Variants in THADA observed in about 807,000 individuals in gnomAD.
THADA encodes THADA armadillo repeat containing.
In THADA, 213 loss-of-function variants were observed where a neutral mutation model predicts 219.8. The observed-to-expected ratio is 0.97, with a 90% CI of 0.87 to 1.09. The LOEUF is 1.09. THADA is among the 50% of genes least tolerant of loss of function. The pLI is 0.00. For synonymous variants in THADA, 1,018 were observed against 828.9 expected (o/e 1.23, Z -3.92); for missense variants, 2,956 against 2,311.3 (o/e 1.28, Z -5.72).
chr2:43,270,252 C>T (rs1002139975), intron 36 of THADA, among the ~76,000 whole-genome samples: 1 of 152,166 alleles, frequency 6.6e-6, no homozygotes, highest in African/African-American at 2.4e-5. Flanking sequence ...TCAGTTTCCA[C>T]ATCTGTAAGT....
At chr2:43,582,995 T>C (rs1700621184) in intron 7 of THADA, among the ~76,000 whole-genome samples, 1 of 152,212 alleles carries the variant, frequency 6.6e-6, no homozygotes, top group African/African-American at 2.4e-5. Context: ...TGTCCAGGAC[T>C]CAGTCTTTAT....
intron 2 of THADA, 37 bp downstream of exon 2, chr2:43,592,280 G>C (rs1701660020): frequency 6.7e-7 from 1 of 1,493,216 alleles, no homozygotes; most frequent in Non-Finnish European, 9.1e-7. Flanking sequence ...TTGCAAACTA[G>C]AAAAAAATAT....
chr2:43,439,289 A>G (rs1052658294), intron 26 of THADA, among the ~76,000 whole-genome samples: 3 of 152,158 alleles, frequency 2.0e-5, no homozygotes, highest in Admixed American at 6.5e-5. Context: ...GAGAGAGAGA[A>G]AGATCACACT....
At chr2:43,516,131 C>A (rs1358148713) in intron 22 of THADA, among the ~76,000 whole-genome samples, 1 of 152,176 alleles carries the variant, frequency 6.6e-6, no homozygotes, top group Non-Finnish European at 1.5e-5. Context: ...CCACCACTTT[C>A]CAAGTCATCA....
At chr2:43,581,495 C>G (rs1452150518) in intron 8 of THADA, among the ~76,000 whole-genome samples, 1 of 142,272 alleles carries the variant, frequency 7.0e-6, no homozygotes, top group South Asian at 2.3e-4. Flanking sequence ...AGTGAATAAA[C>G]ATCACGCCAC....
At chr2:43,324,125 T>A (rs921868989) in intron 30 of THADA, among the ~76,000 whole-genome samples, 2 of 152,214 alleles carry the variant, frequency 1.3e-5, no homozygotes, top group Non-Finnish European at 2.9e-5. Flanking sequence ...AAAGAGAAGT[T>A]GTTGAGAAAC....
intron 15 of THADA, chr2:43,562,606 G>A (rs904360192): frequency 6.6e-6 from 1 of 152,102 alleles, no homozygotes; most frequent in Non-Finnish European, 1.5e-5. Flanking sequence ...ATAAAATGAG[G>A]TAGGAGGTGT....
At chr2:43,445,645 T>G (rs1005588430) in intron 26 of THADA, among the ~76,000 whole-genome samples, 1 of 152,202 alleles carries the variant, frequency 6.6e-6, no homozygotes, top group Non-Finnish European at 1.5e-5. Context: ...CGATCCTCTG[T>G]AGGTAGCCAT....
chr2:43,514,877 A>ATAATATAATATATAATATTT (rs1558889237), intron 22 of THADA, among the ~76,000 whole-genome samples: 1,012 of 83,140 alleles, frequency 0.012, 184 homozygotes, highest in African/African-American at 0.05. Context: ...TTTATGTATA[A>ATAATATAATATATAATATTT]TATGTATAAT....
Position 43,417,037 on chromosome 2 carries a change from C to CTTTTTTTTT in THADA, c.4058+11054_4058+11062dup, listed in dbSNP as rs67993873. On this transcript the variant is annotated intron_variant, in intron 28 of 37. Transcript: ENST00000405975. ...GAATTGATATCCTCATGGCTGTTTTCTTTTTTTTTTTTTTTTTTTTTTGAG... is the reference window on the plus strand; with the variant it reads ...GAATTGATATCCTCATGGCTGTTTTCTTTTTTTTTTTTTTTTTTTTTTTTTTTTTTTGAG... Among the ~76,000 whole-genome samples, 95 of 93,668 alleles carry CTTTTTTTTT rather than the reference C, an allele frequency of 1.0e-3. 1 individual carries two copies. Among genetic ancestry groups the CTTTTTTTTT allele is most frequent in the Middle Eastern group, 8.8e-3 (1 of 114 alleles). The allele number at this position is 93,668 out of a possible 152,430, so 61.4% of individuals were successfully genotyped here. A position where few individuals can be genotyped will look rare whatever the true frequency, so the allele number is the denominator to read the frequency against.
chr2:43,578,626 GA>G lies in THADA; in HGVS notation c.722-20del. On this transcript the variant is annotated intron_variant, in intron 8 of 37. Coordinates refer to ENST00000405975, the MANE Select transcript of THADA (RefSeq NM_022065.5). The stretch of plus-strand genomic sequence containing the variant: ...AGATCATCTATTTGGCAAAAAAGGA[GA>G]GAAGCTTGTGTTAAATAATGAATAT... 3 of 1,542,494 alleles carry G rather than the reference GA, an allele frequency of 1.9e-6. No individual in the cohort carries two copies. The highest frequency in any genetic ancestry group is 2.7e-6 in the Non-Finnish European group (3 of 1,127,916).
intron 9 of THADA, 113 bp downstream of exon 9, chr2:43,578,400 G>T (rs1050153368): frequency 1.5e-6 from 1 of 652,954 alleles, no homozygotes; most frequent in Non-Finnish European, 2.5e-6. Context: ...TCCTGCCCTG[G>T]CCTCCCAAAG....
At chr2:43,561,904 A>T (rs1174601807) in intron 15 of THADA, among the ~76,000 whole-genome samples, 1 of 152,154 alleles carries the variant, frequency 6.6e-6, no homozygotes, top group Non-Finnish European at 1.5e-5. Context: ...GTCCTTCATC[A>T]TCTTGTCCTT....
intron 28 of THADA, among the ~76,000 whole-genome samples, chr2:43,411,896 C>T (rs1046151017): frequency 1.3e-5 from 2 of 152,040 alleles, no homozygotes; most frequent in Non-Finnish European, 2.9e-5. Context: ...GGATTGTGAC[C>T]AAGACTTGGT....
At chr2:43,390,133 A>C (rs865944258) in intron 29 of THADA, among the ~76,000 whole-genome samples, 5 of 152,200 alleles carry the variant, frequency 3.3e-5, no homozygotes, top group African/African-American at 1.2e-4. Flanking sequence ...AGAGGAAGTA[A>C]TATGATGGAT....
At chr2:43,429,505 T>TAG (rs1678955669) in intron 27 of THADA, among the ~76,000 whole-genome samples, 1 of 152,122 alleles carries the variant, frequency 6.6e-6, no homozygotes, top group Admixed American at 6.6e-5. Context: ...TCTGCTCAGG[T>TAG]AGACAAGAAC....
chr2:43,307,223 C>T (rs1237885404), intron 31 of THADA, among the ~76,000 whole-genome samples: 2 of 152,146 alleles, frequency 1.3e-5, no homozygotes, highest in Admixed American at 6.5e-5. Context: ...ACTTCTAAGC[C>T]CCAGTACAGA....
At chr2:43,576,205 T>A (rs541501674) in intron 10 of THADA, among the ~76,000 whole-genome samples, 69 of 152,356 alleles carry the variant, frequency 4.5e-4, no homozygotes, top group Non-Finnish European at 8.5e-4. Flanking sequence ...AATTTATGAA[T>A]TGCATAATAT....
At position 43,292,896 on chromosome 2, in the gene THADA, T is replaced by C. The variant is rs1439972377; in HGVS notation, c.4756A>G (p.Asn1586Asp). The C allele has an allele frequency of 2.5e-6, 4 of 1,614,040 alleles. No individual in the cohort carries two copies. The change falls in exon 32 of 38, where the codon AAC becomes GAC. Residue 1586 changes from asparagine (N) to aspartate (D), a missense_variant. Transcript: ENST00000405975. ...GEKGVPPLLC[N>D]MGEKFLLLAM... ...AACAATAAGAACTTCTCTCCCATGT[T>C]GCACAGCAAGGGTGGCACGCCCTTC...
Sources: gnomAD v4.1 joint callset for allele counts (sites outside exome capture counted in the v4.1 genomes callset) on GRCh38, gnomAD v4.1.1 for gene constraint, MANE v1.5 for transcripts, NCBI Gene and HGNC (gene_info 2026-07-23, HGNC 2026-07-21) for gene names.